Variants in NCOA7 observed in about 807,000 individuals in gnomAD.
NCOA7 encodes 140 kDa estrogen receptor-associated protein.
In NCOA7, 45 loss-of-function variants were observed where a neutral mutation model predicts 104.3. The ratio of observed to expected loss-of-function variants is 0.43; its 90% CI spans 0.34 to 0.55. NCOA7 has a LOEUF of 0.55. Ranked by LOEUF, NCOA7 falls within the 20% of genes least tolerant of loss-of-function variation. The probability of loss-of-function intolerance (pLI) is 0.02; values close to 1 mark genes in which losing one functional copy is unlikely to be tolerated. For synonymous variants in NCOA7, 398 were observed against 402.3 expected, an observed-to-expected ratio of 0.99 and a Z score of 0.13; for missense variants, 1,041 against 1,119.7, an observed-to-expected ratio of 0.93 and a Z score of 1.00.
At chr6:125,921,316 A>T (rs552070108) in intron 12 of NCOA7, among the ~76,000 whole-genome samples, 1 of 152,200 alleles carries the variant, frequency 6.6e-6, no homozygotes, top group African/African-American at 2.4e-5. Context: ...AGGCTGAGAC[A>T]GGAGAATTGC....
intron 11 of NCOA7, chr6:125,919,225 A>G (rs546751932): frequency 1.9e-6 from 3 of 1,583,032 alleles, no homozygotes; most frequent in East Asian, 2.3e-5. Flanking sequence ...CAGAAACTCA[A>G]TCATGCAGGA....
At chr6:125,851,841 T>C (rs1260683025) in intron 2 of NCOA7, among the ~76,000 whole-genome samples, 1 of 152,170 alleles carries the variant, frequency 6.6e-6, no homozygotes. Flanking sequence ...TCCCCGATGA[T>C]TCGTGATATA....
intron 7 of NCOA7, 174 bp downstream of exon 7, chr6:125,882,725 G>A (rs992769721): frequency 4.6e-6 from 3 of 653,866 alleles, no homozygotes; most frequent in African/African-American, 1.8e-5. Flanking sequence ...TACTTACTGA[G>A]GTAAATGTTG....
At chr6:125,927,336 A>ATAT (rs1403638824) in intron 13 of NCOA7, among the ~76,000 whole-genome samples, 1 of 152,208 alleles carries the variant, frequency 6.6e-6, no homozygotes, top group Non-Finnish European at 1.5e-5. Context: ...TATGTTATGT[A>ATAT]TATTCAATAA....
chr6:125,857,531 G>A (rs1029021696), intron 3 of NCOA7, among the ~76,000 whole-genome samples: 1 of 151,314 alleles, frequency 6.6e-6, no homozygotes, highest in Non-Finnish European at 1.5e-5. Flanking sequence ...CTCGAAGTCC[G>A]ACCAGCAATG....
intron 3 of NCOA7, 83 bp from the exon 4 acceptor site, chr6:125,874,806 G>A: frequency 1.0e-6 from 1 of 986,374 alleles, no homozygotes; most frequent in East Asian, 2.4e-5. Flanking sequence ...TGATTTGAAA[G>A]TGGGTTTCTA....
upstream of NCOA7, among the ~76,000 whole-genome samples, chr6:125,788,777 C>T (rs954434296): frequency 1.8e-4 from 27 of 147,770 alleles, no homozygotes; most frequent in Non-Finnish European, 3.4e-4. Flanking sequence ...CTCTTGACCT[C>T]GTGATCCGCC....
At chr6:125,891,019 T>A (rs1481720545) in intron 10 of NCOA7, among the ~76,000 whole-genome samples, 1 of 152,220 alleles carries the variant, frequency 6.6e-6, no homozygotes, top group Non-Finnish European at 1.5e-5. Context: ...ATAGGTACTA[T>A]GTCCTGAACT....
chr6:125,857,441 ATTT>A (rs35775586), intron 3 of NCOA7, among the ~76,000 whole-genome samples: 1,948 of 139,618 alleles, frequency 0.014, 14 homozygotes, highest in Non-Finnish European at 0.021. Flanking sequence ...ATATATATAT[ATTT>A]TTTTTTTTAA....
chr6:125,822,661 A>G (rs891584993), intron 2 of NCOA7, among the ~76,000 whole-genome samples: 1 of 152,134 alleles, frequency 6.6e-6, no homozygotes, highest in Non-Finnish European at 1.5e-5. Flanking sequence ...AGGGCCAAGC[A>G]TGGTGGCCCA....
intron 11 of NCOA7, among the ~76,000 whole-genome samples, chr6:125,917,882 C>T (rs896150977): frequency 2.6e-5 from 4 of 152,158 alleles, no homozygotes; most frequent in African/African-American, 9.7e-5. Flanking sequence ...TCATGTATGC[C>T]TTGTGCGCAG....
At chr6:125,875,937 A>G (rs1783336022) in intron 4 of NCOA7, among the ~76,000 whole-genome samples, 1 of 152,184 alleles carries the variant, frequency 6.6e-6, no homozygotes, top group Non-Finnish European at 1.5e-5. Flanking sequence ...TCACTGCATC[A>G]TAAGCTCCTG....
At chr6:125,917,861 G>C (rs902800260) in intron 11 of NCOA7, among the ~76,000 whole-genome samples, 26 of 152,328 alleles carry the variant, frequency 1.7e-4, no homozygotes, top group African/African-American at 6.3e-4. Context: ...AGAGGGTAGA[G>C]GAACCCTCAA....
intron 11 of NCOA7, among the ~76,000 whole-genome samples, chr6:125,916,758 C>T (rs1787123342): frequency 6.6e-6 from 1 of 152,168 alleles, no homozygotes; most frequent in Admixed American, 6.5e-5. Flanking sequence ...CCTAGGCAGC[C>T]AAGCATTGCT....
intron 11 of NCOA7, among the ~76,000 whole-genome samples, chr6:125,920,461 A>G (rs1417951977): frequency 6.6e-6 from 1 of 152,264 alleles, no homozygotes; most frequent in Admixed American, 6.5e-5. Context: ...AAAGAGAATC[A>G]TTTAGGGCAT....
intron 2 of NCOA7, among the ~76,000 whole-genome samples, chr6:125,833,896 G>A (rs1562863161): frequency 6.6e-6 from 1 of 152,044 alleles, no homozygotes; most frequent in Non-Finnish European, 1.5e-5. Flanking sequence ...CTTAAGTAAG[G>A]CCCTTCTTCC....
At chr6:125,843,752 A>G (rs940934991) in intron 2 of NCOA7, among the ~76,000 whole-genome samples, 5 of 152,128 alleles carry the variant, frequency 3.3e-5, no homozygotes, top group African/African-American at 1.2e-4. Flanking sequence ...GATGAGATAT[A>G]TATTACCATT....
At chr6:125,805,089 T>A (rs1231772097) in intron 1 of NCOA7, among the ~76,000 whole-genome samples, 4 of 125,896 alleles carry the variant, frequency 3.2e-5, no homozygotes, top group African/African-American at 1.3e-4. Context: ...CTCTTGTTCT[T>A]TTTTTTTTTT....
intron 2 of NCOA7, among the ~76,000 whole-genome samples, chr6:125,839,765 A>G (rs1285565910): frequency 6.6e-6 from 1 of 152,104 alleles, no homozygotes; most frequent in Non-Finnish European, 1.5e-5. Flanking sequence ...ATCATCCAGT[A>G]ACATTGTCAC....
Sources: allele counts gnomAD v4.1 joint callset (sites outside exome capture counted in the v4.1 genomes callset), GRCh38; gene constraint gnomAD v4.1.1; transcripts MANE v1.5; gene names NCBI Gene and HGNC (gene_info 2026-07-23, HGNC 2026-07-21).